ITGBL1: variants seen among roughly 807,000 people sequenced by gnomAD.
ITGBL1 encodes integrin beta-like protein 1.
Under a neutral mutation model 68.5 loss-of-function variants are expected in ITGBL1, and 51 were observed. The ratio of observed to expected loss-of-function variants is 0.74; its 90% CI spans 0.59 to 0.94. ITGBL1 has a LOEUF of 0.94. Among genes scored for constraint, ITGBL1 ranks in the 40% least tolerant of loss-of-function variants. The pLI is 0.00. For missense variants in ITGBL1, 649 were observed against 647.4 expected (o/e 1.00, Z -0.03); for synonymous variants, 209 against 227.3 (o/e 0.92, Z 0.72).
At chr13:101,557,613 A>T (rs954823) in intron 2 of ITGBL1, among the ~76,000 whole-genome samples, 119,769 of 152,022 alleles carry the variant, frequency 0.79, 47,158 homozygotes, top group South Asian at 0.81. Flanking sequence ...TCAGTAAAAC[A>T]GGGGAGGTTT....
At chr13:101,686,795 G>A (rs548195807) in intron 7 of ITGBL1, among the ~76,000 whole-genome samples, 1 of 152,060 alleles carries the variant, frequency 6.6e-6, no homozygotes, top group Non-Finnish European at 1.5e-5. Context: ...TAAACCCAGA[G>A]CAGAGTTTTA....
At chr13:101,559,271 T>G (rs2050061897) in intron 2 of ITGBL1, among the ~76,000 whole-genome samples, 2 of 152,110 alleles carry the variant, frequency 1.3e-5, no homozygotes, top group African/African-American at 4.8e-5. Flanking sequence ...AAATACTACT[T>G]TGTTGTGAGA....
intron 2 of ITGBL1, among the ~76,000 whole-genome samples, chr13:101,508,477 A>G (rs1390869026): frequency 1.3e-5 from 2 of 152,168 alleles, no homozygotes; most frequent in African/African-American, 4.8e-5. Flanking sequence ...TTATAAGAAT[A>G]TGGTTCTATT....
intron 10 of ITGBL1, 135 bp from the exon 11 acceptor site, chr13:101,715,425 TAAC>T (rs2034673698): frequency 4.3e-6 from 3 of 694,868 alleles, no homozygotes; most frequent in East Asian, 5.2e-5. Flanking sequence ...GATGTAATAA[TAAC>T]ATCATTGCAC....
At chr13:101,621,712 G>C (rs926855800) in intron 7 of ITGBL1, among the ~76,000 whole-genome samples, 3 of 152,050 alleles carry the variant, frequency 2.0e-5, no homozygotes, top group Admixed American at 6.6e-5. Flanking sequence ...CAAAAAGAAA[G>C]CTTTTTCAAA....
At chr13:101,658,489 G>T (rs1414022716) in intron 7 of ITGBL1, among the ~76,000 whole-genome samples, 1 of 152,030 alleles carries the variant, frequency 6.6e-6, no homozygotes, top group East Asian at 1.9e-4. Flanking sequence ...GTGTTGCTTT[G>T]ATAATACTTT....
chr13:101,699,467 A>T (rs1310554524), intron 8 of ITGBL1, among the ~76,000 whole-genome samples: 1 of 152,162 alleles, frequency 6.6e-6, no homozygotes, highest in Admixed American at 6.5e-5. Flanking sequence ...TAATTGAATC[A>T]CGGGGGTGGT....
chr13:101,572,058 T>G (rs1435215851), intron 3 of ITGBL1, among the ~76,000 whole-genome samples: 4 of 152,170 alleles, frequency 2.6e-5, no homozygotes, highest in Non-Finnish European at 4.4e-5. Flanking sequence ...TTATATTCAG[T>G]GTTACATTTA....
intron 7 of ITGBL1, among the ~76,000 whole-genome samples, chr13:101,607,687 G>T (rs1228303404): frequency 2.0e-5 from 3 of 152,052 alleles, no homozygotes; most frequent in African/African-American, 7.2e-5. Flanking sequence ...ATACAGGTGT[G>T]CTCTCCTGCC....
At chr13:101,690,211 C>T (rs1412467306) in intron 7 of ITGBL1, among the ~76,000 whole-genome samples, 7 of 152,136 alleles carry the variant, frequency 4.6e-5, no homozygotes, top group Non-Finnish European at 4.4e-5. Context: ...AATATTAACA[C>T]TTTATTGTCT....
chr13:101,461,742 A>T (rs2048321282), intron 2 of ITGBL1, among the ~76,000 whole-genome samples: 1 of 152,206 alleles, frequency 6.6e-6, no homozygotes, highest in Admixed American at 6.5e-5. Context: ...CCCCGTTATC[A>T]TTCTTTGGGG....
At chr13:101,560,995 G>A (rs1224288429) in intron 2 of ITGBL1, among the ~76,000 whole-genome samples, 1 of 152,110 alleles carries the variant, frequency 6.6e-6, no homozygotes, top group Non-Finnish European at 1.5e-5. Context: ...ATCCCCATGT[G>A]TTTCTGAATT....
chr13:101,556,887 T>C (rs1489245573), intron 2 of ITGBL1, among the ~76,000 whole-genome samples: 2 of 152,232 alleles, frequency 1.3e-5, no homozygotes, highest in Non-Finnish European at 2.9e-5. Flanking sequence ...ATTTTTGTTG[T>C]CTGGAGTTAC....
intron 2 of ITGBL1, among the ~76,000 whole-genome samples, chr13:101,480,527 G>A (rs1365083015): frequency 6.6e-6 from 1 of 151,578 alleles, no homozygotes; most frequent in African/African-American, 2.4e-5. Context: ...AATACAATTG[G>A]AATGTTTGTA....
At chr13:101,538,595 C>T (rs754218135) in intron 2 of ITGBL1, among the ~76,000 whole-genome samples, 33 of 151,910 alleles carry the variant, frequency 2.2e-4, no homozygotes, top group African/African-American at 5.1e-4. Flanking sequence ...ATAAACAAAA[C>T]TCCAGAAAAA....
intron 7 of ITGBL1, among the ~76,000 whole-genome samples, chr13:101,665,901 A>T (rs994000888): frequency 6.6e-6 from 1 of 152,186 alleles, no homozygotes; most frequent in Non-Finnish European, 1.5e-5. Flanking sequence ...TTATGTGAGG[A>T]TCTGCCCAGC....
chr13:101,511,835 T>C (rs1052409240), intron 2 of ITGBL1, among the ~76,000 whole-genome samples: 1 of 152,168 alleles, frequency 6.6e-6, no homozygotes, highest in Non-Finnish European at 1.5e-5. Flanking sequence ...ACTCCTGATC[T>C]GCAGAGCTGT....
chr13:101,628,877 TATTA>T (rs1257704637), intron 7 of ITGBL1, among the ~76,000 whole-genome samples: 4 of 152,086 alleles, frequency 2.6e-5, no homozygotes, highest in African/African-American at 9.7e-5. Context: ...AAATTATCCT[TATTA>T]ATTATTTTGT....
At chr13:101,717,805 T>G (rs992095377), downstream of ITGBL1, 4 of 152,178 alleles carry the variant, frequency 2.6e-5, no homozygotes, top group African/African-American at 9.6e-5. Flanking sequence ...TCAGCTCCAC[T>G]GGAACTGCCC....
Sources: gnomAD v4.1 joint callset for allele counts (sites outside exome capture counted in the v4.1 genomes callset) on GRCh38, gnomAD v4.1.1 for gene constraint, MANE v1.5 for transcripts, NCBI Gene and HGNC (gene_info 2026-07-23, HGNC 2026-07-21) for gene names.